LMBR1: variants seen among roughly 807,000 people sequenced by gnomAD.
The protein encoded by LMBR1 is limb development membrane protein 1, also known as limb region 1 protein homolog.
Under a neutral mutation model 73.9 loss-of-function variants are expected in LMBR1, and 52 were observed. The ratio of observed to expected loss-of-function variants is 0.70; its 90% confidence interval spans 0.56 to 0.89. The LOEUF is 0.89. Among genes scored for constraint, LMBR1 ranks in the 40% least tolerant of loss-of-function variants. LMBR1 has a pLI of 0.00. For missense variants in LMBR1, 539 were observed against 579.8 expected, an observed-to-expected ratio of 0.93 and a Z score of 0.72; for synonymous variants, 215 against 209.4, an observed-to-expected ratio of 1.03 and a Z score of -0.23.
intron 5 of LMBR1, among the ~76,000 whole-genome samples, chr7:156,771,390 G>T (rs146836453): frequency 6.6e-6 from 1 of 152,042 alleles, no homozygotes; most frequent in African/African-American, 2.4e-5. Flanking sequence ...TGACAAAGAC[G>T]GCATTACCAC....
Position 156,778,853 on chromosome 7 carries a change from C to T in LMBR1, c.424-15058G>A, listed in dbSNP as rs571505975. Among the ~76,000 whole-genome samples, 128 of 152,280 alleles carry T rather than the reference C, an allele frequency of 8.4e-4. 1 individual carries two copies. Among genetic ancestry groups the T allele is most frequent in the African/African-American group, 3.1e-3 (127 of 41,548 alleles). ...CCACCATTAATCACCAGCAGCACAG[C>T]ATATAAGCAAAAAATATGCCGACTG... is the stretch of plus-strand genomic sequence containing the variant. On this transcript the variant is annotated intron_variant, in intron 5 of 16. Coordinates refer to ENST00000353442, the MANE Select transcript of LMBR1 (RefSeq NM_022458.4).
At chr7:156,712,222 A>C (rs1477315753) in intron 15 of LMBR1, among the ~76,000 whole-genome samples, 1 of 152,240 alleles carries the variant, frequency 6.6e-6, no homozygotes, top group African/African-American at 2.4e-5. Flanking sequence ...GACAGACTTC[A>C]AAAGAGGTCA....
intron 4 of LMBR1, among the ~76,000 whole-genome samples, chr7:156,825,030 T>G (rs1835429980): frequency 1.3e-5 from 2 of 152,174 alleles, no homozygotes; most frequent in Non-Finnish European, 2.9e-5. Flanking sequence ...TTCCCTGGAT[T>G]TGAGATCCTA....
chr7:156,870,359 G>A (rs1283579437), intron 1 of LMBR1, among the ~76,000 whole-genome samples: 2 of 152,168 alleles, frequency 1.3e-5, no homozygotes, highest in Non-Finnish European at 2.9e-5. Context: ...ATCATACTAA[G>A]TGTATTTTCT....
chr7:156,826,394 C>T (rs1414509042), intron 4 of LMBR1, among the ~76,000 whole-genome samples: 1 of 152,174 alleles, frequency 6.6e-6, no homozygotes, highest in East Asian at 1.9e-4. Context: ...AGTATAAACA[C>T]TGCTTCTTAA....
intron 1 of LMBR1, among the ~76,000 whole-genome samples, chr7:156,844,849 AGGCACTTGAGAGGT>A (rs1393822454): frequency 2.2e-4 from 33 of 152,306 alleles, no homozygotes; most frequent in Non-Finnish European, 1.5e-4. Context: ...AAGAATGGCT[AGGCACTTGAGAGGT>A]GACACAGTCA....
intron 1 of LMBR1, among the ~76,000 whole-genome samples, chr7:156,860,005 C>A (rs551583713): frequency 6.6e-6 from 1 of 152,284 alleles, no homozygotes; most frequent in Non-Finnish European, 1.5e-5. Context: ...GACAACTGAT[C>A]TTTGTCAAAG....
chr7:156,669,758 C>T lies in LMBR1; in HGVS notation n.867-471G>A, dbSNP rs1258179431. On this transcript the variant is annotated intron_variant and non_coding_transcript_variant, in intron 4 of 4. Coordinates refer to the LMBR1 transcript ENST00000430825. The surrounding 1 kb of genome is among the most constrained non-coding windows in gnomAD (Gnocchi z 4.2). ...GGGAGAAGGGGCCATGGCTGGGCCC[C>T]TCCAGCACAGGCGCTTCCTGGGAGC... is the stretch of plus-strand genomic sequence containing the variant. Among the ~76,000 whole-genome samples, 2 of 152,210 alleles carry T rather than the reference C, an allele frequency of 1.3e-5. No individual in the cohort carries two copies. Among genetic ancestry groups the T allele is most frequent in the African/African-American group, 2.4e-5 (1 of 41,462 alleles).
chr7:156,756,271 G>A (rs1821853872), intron 9 of LMBR1, 122 bp downstream of exon 9: 2 of 597,074 alleles, frequency 3.3e-6, no homozygotes, highest in South Asian at 1.9e-5. Flanking sequence ...TTACTCTAAA[G>A]TGTTCTCCTC....
chr7:156,861,925 G>C (rs907861697), intron 1 of LMBR1, among the ~76,000 whole-genome samples: 3 of 152,136 alleles, frequency 2.0e-5, no homozygotes, highest in Admixed American at 6.5e-5. Context: ...CAAGTCTCTA[G>C]GGAGATCCAA....
chr7:156,774,856 C>T (rs1825846064), intron 5 of LMBR1, among the ~76,000 whole-genome samples: 1 of 151,940 alleles, frequency 6.6e-6, no homozygotes, highest in Admixed American at 6.6e-5. Flanking sequence ...GAGATCATGT[C>T]TTTTGCAGCA....
At chr7:156,783,447 G>T (rs2133216297) in intron 5 of LMBR1, among the ~76,000 whole-genome samples, 1 of 152,222 alleles carries the variant, frequency 6.6e-6, no homozygotes, top group Non-Finnish European at 1.5e-5. Context: ...CCAAAGTGCT[G>T]GGATTATAGG....
chr7:156,877,931 A>C (rs1800456383), intron 1 of LMBR1, among the ~76,000 whole-genome samples: 1 of 152,152 alleles, frequency 6.6e-6, no homozygotes. Context: ...ACACCACACG[A>C]ACAGAATTAA....
At chr7:156,829,697 C>T (rs915897460) in intron 3 of LMBR1, among the ~76,000 whole-genome samples, 103 of 152,292 alleles carry the variant, frequency 6.8e-4, no homozygotes, top group African/African-American at 2.2e-3. Flanking sequence ...TCCTCATTCC[C>T]AGCAAATGAC....
At chr7:156,882,521 GAC>G (rs1207661214) in intron 1 of LMBR1, among the ~76,000 whole-genome samples, 1 of 152,150 alleles carries the variant, frequency 6.6e-6, no homozygotes, top group Non-Finnish European at 1.5e-5. Context: ...GTCACAAGAA[GAC>G]AAATACTGCA....
chr7:156,723,303 C>T (rs2132352444), intron 15 of LMBR1, among the ~76,000 whole-genome samples: 2 of 152,136 alleles, frequency 1.3e-5, no homozygotes, highest in Middle Eastern at 6.8e-3. Flanking sequence ...GCAAAAGCAA[C>T]TCAAAGTTAC....
At position 156,788,892 on chromosome 7, in the gene LMBR1, A is replaced by T. The variant is rs560111032; in HGVS notation, c.423+7497T>A. Among the ~76,000 whole-genome samples, 54 of 152,244 alleles carry T rather than the reference A, an allele frequency of 3.5e-4. 1 individual carries two copies. The South Asian group carries it at 5.0e-3, about 14-fold the overall frequency. ...GTGAAACCTCGTCTCTATTAAAAAT[A>T]CAAAAATTAGCCGGGCGTGGTGGTG... On this transcript the variant is annotated intron_variant, in intron 5 of 16. Transcript: ENST00000353442.
Position 156,760,148 on chromosome 7 carries a change from G to C in LMBR1, c.684+1986C>G, listed in dbSNP as rs1004570207. On this transcript the variant is annotated intron_variant, in intron 8 of 16. Coordinates refer to ENST00000353442, the MANE Select transcript of LMBR1 (RefSeq NM_022458.4). ...GTTGTTTACTGAAACCAGAGGCAAGGGGGAGAAGAGAACCAGGAAGTTAAA... is the reference window on the plus strand; with the variant it reads ...GTTGTTTACTGAAACCAGAGGCAAGCGGGAGAAGAGAACCAGGAAGTTAAA... Among the ~76,000 whole-genome samples the C allele has an allele frequency of 6.6e-5, 10 of 152,130 alleles. 1 individual carries two copies. Among genetic ancestry groups the C allele is most frequent in the Non-Finnish European group, 2.9e-5 (2 of 68,022 alleles).
chr7:156,757,611 A>T (rs1822147993), intron 8 of LMBR1, among the ~76,000 whole-genome samples: 1 of 152,228 alleles, frequency 6.6e-6, no homozygotes, highest in African/African-American at 2.4e-5. Flanking sequence ...TCTAGAGCTG[A>T]TATCAGTGTT....
Sources: gnomAD v4.1 joint callset for allele counts (sites outside exome capture counted in the v4.1 genomes callset) on GRCh38, gnomAD v4.1.1 for gene constraint, Gnocchi (gnomAD v3.1) non-coding constraint, MANE v1.5 for transcripts, NCBI Gene and HGNC (gene_info 2026-07-23, HGNC 2026-07-21) for gene names.